ENTREP2: variants seen among roughly 807,000 people sequenced by gnomAD.
The protein encoded by ENTREP2 is protein ENTREP2.
the ENTREP2 span, among the ~76,000 whole-genome samples, chr15:29,379,875 T>C: frequency 7.9e-5 from 12 of 152,184 alleles, 1 homozygote; most frequent in Middle Eastern, 0.01. Flanking sequence ...TTTTCCTTTG[T>C]TTAGAGAGCT....
chr15:29,638,325 C>T, the ENTREP2 span, among the ~76,000 whole-genome samples: 1 of 152,182 alleles, frequency 6.6e-6, no homozygotes, highest in African/African-American at 2.4e-5. Context: ...CTGAACACCA[C>T]TGGTCTCTAT....
chr15:29,635,463 C>T, the ENTREP2 span, among the ~76,000 whole-genome samples: 1 of 152,178 alleles, frequency 6.6e-6, no homozygotes, highest in African/African-American at 2.4e-5. Context: ...CTCAGGAGTC[C>T]TGCACTGTAG....
At chr15:29,627,098 C>T in the ENTREP2 span, among the ~76,000 whole-genome samples, 19 of 152,080 alleles carry the variant, frequency 1.2e-4, no homozygotes, top group African/African-American at 4.3e-4. Context: ...GCATTTGGTG[C>T]TGTAAATTTC....
At chr15:29,359,928 T>C in the ENTREP2 span, among the ~76,000 whole-genome samples, 1 of 152,216 alleles carries the variant, frequency 6.6e-6, no homozygotes, top group Non-Finnish European at 1.5e-5. Flanking sequence ...CATAAAATTA[T>C]TCAGGAATCA....
At chr15:29,434,912 C>A in the ENTREP2 span, among the ~76,000 whole-genome samples, 1 of 152,158 alleles carries the variant, frequency 6.6e-6, no homozygotes, top group Non-Finnish European at 1.5e-5. Flanking sequence ...GTTAGGCAGA[C>A]TCCAAGACTC....
the ENTREP2 span, among the ~76,000 whole-genome samples, chr15:29,239,727 A>G: frequency 6.6e-6 from 1 of 152,200 alleles, no homozygotes; most frequent in East Asian, 1.9e-4. Context: ...AGCACAACAG[A>G]AATCATTTTA....
chr15:29,362,085 T>A, the ENTREP2 span, among the ~76,000 whole-genome samples: 1 of 152,050 alleles, frequency 6.6e-6, no homozygotes, highest in African/African-American at 2.4e-5. Context: ...CAGAGGCACA[T>A]CCCAGGGCTT....
the ENTREP2 span, among the ~76,000 whole-genome samples, chr15:29,546,947 A>G: frequency 6.6e-6 from 1 of 151,490 alleles, no homozygotes; most frequent in Non-Finnish European, 1.5e-5. Flanking sequence ...AAGATAGAAA[A>G]TTTTAATAAT....
the ENTREP2 span, among the ~76,000 whole-genome samples, chr15:29,249,949 C>T: frequency 0.51 from 77,956 of 151,716 alleles, 21,231 homozygotes; most frequent in South Asian, 0.62. Context: ...AAACAACCAG[C>T]TCTCGTGAGA....
At chr15:29,487,337 A>C in the ENTREP2 span, among the ~76,000 whole-genome samples, 14 of 152,334 alleles carry the variant, frequency 9.2e-5, no homozygotes, top group Admixed American at 8.5e-4. Context: ...CAGTATAAAC[A>C]AGAAATGAAG....
At chr15:29,670,919 A>T in the ENTREP2 span, among the ~76,000 whole-genome samples, 17 of 152,300 alleles carry the variant, frequency 1.1e-4, no homozygotes, top group Admixed American at 9.2e-4. Context: ...TACTAATGAG[A>T]TGACTGGTGG....
At chr15:29,127,218 T>C in the ENTREP2 span, among the ~76,000 whole-genome samples, 6 of 151,782 alleles carry the variant, frequency 4.0e-5, no homozygotes, top group Non-Finnish European at 7.4e-5. Flanking sequence ...TGGATCGGAG[T>C]CTGTTTTAAT....
At chr15:29,535,245 C>T in the ENTREP2 span, among the ~76,000 whole-genome samples, 1 of 151,932 alleles carries the variant, frequency 6.6e-6, no homozygotes. Context: ...AGCAAGACAT[C>T]ATCTCTAAAA....
chr15:29,649,853 T>C, the ENTREP2 span, among the ~76,000 whole-genome samples: 1 of 152,124 alleles, frequency 6.6e-6, no homozygotes, highest in Non-Finnish European at 1.5e-5. Context: ...GCCTCTTGCT[T>C]ACACCAAAAA....
At chr15:29,603,673 C>T in the ENTREP2 span, among the ~76,000 whole-genome samples, 2 of 152,140 alleles carry the variant, frequency 1.3e-5, no homozygotes, top group Non-Finnish European at 2.9e-5. Flanking sequence ...GAGCCTCGCT[C>T]TGTCATCCAG....
the ENTREP2 span, among the ~76,000 whole-genome samples, chr15:29,517,118 A>C: frequency 6.6e-6 from 1 of 152,126 alleles, no homozygotes; most frequent in African/African-American, 2.4e-5. Context: ...CTGAGCACTT[A>C]AACATAAGAC....
the ENTREP2 span, chr15:29,269,200 CCCCT>C: frequency 6.2e-7 from 1 of 1,614,164 alleles, no homozygotes; most frequent in Non-Finnish European, 8.5e-7. Context: ...GCCTTGGTCA[CCCCT>C]CATCTCGGCA....
chr15:29,262,873 A>G, the ENTREP2 span, among the ~76,000 whole-genome samples: 1 of 152,084 alleles, frequency 6.6e-6, no homozygotes, highest in Admixed American at 6.5e-5. Context: ...CTCCAGGTAG[A>G]TAGTGTTGGA....
the ENTREP2 span, among the ~76,000 whole-genome samples, chr15:29,652,767 G>A: frequency 1.3e-5 from 2 of 152,214 alleles, no homozygotes; most frequent in African/African-American, 2.4e-5. Context: ...CCACTTGACT[G>A]TGTGCAGCGG....
Sources: allele counts gnomAD v4.1 joint callset (sites outside exome capture counted in the v4.1 genomes callset), GRCh38; gene constraint gnomAD v4.1.1; transcripts MANE v1.5; gene names NCBI Gene and HGNC (gene_info 2026-07-23, HGNC 2026-07-21).